Variants in BCORL1 observed in about 807,000 individuals in gnomAD.
The protein encoded by BCORL1 is BCL6 corepressor like 1.
A neutral mutation model predicts 87.6 loss-of-function variants in BCORL1; 7 were observed. That is an observed-to-expected ratio of 0.08 (90% CI 0.05 to 0.15). The LOEUF is 0.15. Among genes scored for constraint, BCORL1 ranks in the 10% least tolerant of loss-of-function variants. The pLI is 1.00. For synonymous variants in BCORL1, 591 were observed against 634.4 expected (o/e 0.93, Z 1.03); for missense variants, 1,215 against 1,499.7 (o/e 0.81, Z 3.13).
chrX:130,050,077 T>A (rs939248096), intron 11 of BCORL1, among the ~76,000 whole-genome samples: 2 of 111,094 alleles, frequency 1.8e-5, no homozygotes, highest in Non-Finnish European at 3.8e-5. Flanking sequence ...AGATCAGATT[T>A]TTTTTTTCAC....
At chrX:129,991,900 G>A (rs1443334149) in intron 1 of BCORL1, among the ~76,000 whole-genome samples, 14 of 101,678 alleles carry the variant, frequency 1.4e-4, no homozygotes, top group African/African-American at 5.0e-4. Context: ...CCCTGACCTC[G>A]TGATCCATCC....
intron 11 of BCORL1, among the ~76,000 whole-genome samples, chrX:130,043,146 C>T (rs950461049): frequency 9.4e-6 from 1 of 106,151 alleles, no homozygotes; most frequent in African/African-American, 3.4e-5. Context: ...ATTCTCCTGC[C>T]TCAGCTTCCC....
At chrX:130,021,196 C>A (rs1419481556) in intron 5 of BCORL1, 46 bp downstream of exon 5, 1 of 1,167,819 alleles carries the variant, frequency 8.6e-7, no homozygotes, top group Non-Finnish European at 1.1e-6. Flanking sequence ...GCAGAGGGAT[C>A]CCCAGGGCAC....
chrX:130,034,725 A>G (rs2124523221), intron 9 of BCORL1, 49 bp downstream of exon 9: 7 of 887,311 alleles, frequency 7.9e-6, no homozygotes, highest in Non-Finnish European at 1.0e-5. Flanking sequence ...CTGAGCATCT[A>G]TGAAGAAGCT....
intron 2 of BCORL1, among the ~76,000 whole-genome samples, chrX:130,007,372 A>G (rs989947856): frequency 4.4e-5 from 5 of 112,756 alleles, no homozygotes; most frequent in Admixed American, 1.9e-4. Context: ...TCCTCAGATG[A>G]TCACTAAGAG....
chrX:129,986,237 G>A (rs752612806), intron 1 of BCORL1, among the ~76,000 whole-genome samples: 2 of 111,794 alleles, frequency 1.8e-5, no homozygotes, highest in Non-Finnish European at 3.8e-5. Flanking sequence ...CAAATTTTTA[G>A]AAAAGGCCAA....
At chrX:130,034,883 T>C (rs1407205958) in intron 9 of BCORL1, among the ~76,000 whole-genome samples, 1 of 111,734 alleles carries the variant, frequency 8.9e-6, no homozygotes, top group Non-Finnish European at 1.9e-5. Flanking sequence ...ATGAATGCAA[T>C]TGAAATGGTA....
At chrX:130,026,029 A>T (rs1291535674) in intron 7 of BCORL1, among the ~76,000 whole-genome samples, 4 of 111,835 alleles carry the variant, frequency 3.6e-5, no homozygotes, top group African/African-American at 1.3e-4. Flanking sequence ...ATGCTGTGAT[A>T]TACCATTCCG....
intron 9 of BCORL1, among the ~76,000 whole-genome samples, chrX:130,036,584 G>A (rs1169749558): frequency 1.8e-5 from 2 of 112,651 alleles, no homozygotes; most frequent in Non-Finnish European, 3.8e-5. Context: ...TGATTTGAGG[G>A]GAGGGCTAGA....
chrX:130,005,379 G>T, intron 2 of BCORL1, 62 bp downstream of exon 2: 1 of 1,032,001 alleles, frequency 9.7e-7, no homozygotes, highest in Admixed American at 2.2e-5. Context: ...GTCACCAGAG[G>T]GATAGCTGCA....
intron 9 of BCORL1, 33 bp from the exon 10 acceptor site, chrX:130,037,334 T>C (rs778761865): frequency 4.3e-5 from 51 of 1,196,121 alleles, no homozygotes; most frequent in Non-Finnish European, 5.2e-5. Flanking sequence ...ATTAGACCTC[T>C]CTTTGCTCAT....
chrX:130,012,213 T>C (rs1182444455), intron 2 of BCORL1, among the ~76,000 whole-genome samples: 1 of 111,838 alleles, frequency 8.9e-6, no homozygotes, highest in East Asian at 2.8e-4. Flanking sequence ...GGTTCTCATG[T>C]CTCCCCTTTG....
At chrX:130,049,553 C>T (rs936856601) in intron 11 of BCORL1, among the ~76,000 whole-genome samples, 5 of 111,920 alleles carry the variant, frequency 4.5e-5, no homozygotes, top group South Asian at 3.7e-4. Context: ...GACTGGATTT[C>T]GCCATTTTGG....
Position 129,986,547 on chromosome X carries a change from A to G in BCORL1, c.-45+3785A>G, listed in dbSNP as rs1926638049. 2.7e-5 allele frequency among the ~76,000 whole-genome samples: 3 copies of G among 112,318 alleles called. No individual in the cohort carries two copies. In the Admixed American group the frequency reaches 2.8e-4, roughly 11 times the overall value. On this transcript the variant is annotated intron_variant, in intron 1 of 13. Transcript: ENST00000540052. The stretch of plus-strand genomic sequence containing the variant: ...AAATAGAAAAAAATGGGCCGGGTGC[A>G]GTGGCTCACTCCTGTAACCCCAGCA...
intron 11 of BCORL1, among the ~76,000 whole-genome samples, chrX:130,039,925 G>A (rs1931212470): frequency 8.9e-6 from 1 of 112,945 alleles, no homozygotes; most frequent in Non-Finnish European, 1.9e-5. Context: ...GATAGCAGCT[G>A]TTTGTCTGCA....
chrX:130,049,762 A>G (rs754956961), intron 11 of BCORL1, among the ~76,000 whole-genome samples: 33 of 112,693 alleles, frequency 2.9e-4, no homozygotes, highest in African/African-American at 1.0e-3. Context: ...CCATTTCCCC[A>G]TGTTCTTCAA....
In BCORL1 at chrX:130,005,325, G is replaced by A; in HGVS notation, c.86+8G>A. On this transcript the variant is annotated splice_region_variant and intron_variant, in intron 2 of 13. Coordinates refer to ENST00000540052, the MANE Select transcript of BCORL1 (RefSeq NM_001379451.1). ...TGGCATCAACGAGGAGAGGTGAGGA[G>A]GCCAGGAAGGTGGCCGCTGCTGGCC... 1 of 1,207,917 alleles carries A rather than the reference G, an allele frequency of 8.3e-7. No homozygotes were observed. Among genetic ancestry groups the A allele is most frequent in the Non-Finnish European group, 1.1e-6 (1 of 892,102 alleles).
chrX:130,013,880 C>T lies in BCORL1; in HGVS notation c.1108C>T (p.Pro370Ser). The stretch of plus-strand genomic sequence containing the variant: ...CCCATCTTCCGGCCCACCTTCTACC[C>T]CCACCCTCATCCCCGCCTTTGCTCC... Reference protein sequence around the residue: ...PTPSSGPPSTPTLIPAFAPTP... With the variant: ...PTPSSGPPSTSTLIPAFAPTP... Residue 370 changes from proline to serine, a missense_variant, in exon 4 of 14, where the codon CCC (proline) becomes TCC (serine). Coordinates refer to ENST00000540052, the MANE Select transcript of BCORL1 (RefSeq NM_001379451.1). 1 of 1,165,786 alleles carries T rather than the reference C, an allele frequency of 8.6e-7. No individual in the cohort carries two copies. Among genetic ancestry groups the T allele is most frequent in the Non-Finnish European group, 1.1e-6 (1 of 871,657 alleles).
chrX:129,991,198 C>T (rs1927121630), intron 1 of BCORL1, among the ~76,000 whole-genome samples: 1 of 111,210 alleles, frequency 9.0e-6, no homozygotes, highest in African/African-American at 3.3e-5. Context: ...CTCACTGCAA[C>T]CTCCTTCTCC....
Sources: gnomAD v4.1 joint callset for allele counts (sites outside exome capture counted in the v4.1 genomes callset) on GRCh38, gnomAD v4.1.1 for gene constraint, MANE v1.5 for transcripts, NCBI Gene and HGNC (gene_info 2026-07-23, HGNC 2026-07-21) for gene names.